TBC1D22A: variants seen among roughly 807,000 people sequenced by gnomAD.
TBC1D22A encodes putative GTPase activator.
In TBC1D22A, 38 loss-of-function variants were observed where a neutral mutation model predicts 60.2. That is an observed-to-expected ratio of 0.63 (90% CI 0.49 to 0.83). TBC1D22A has a LOEUF of 0.83. TBC1D22A is among the 40% of genes least tolerant of loss of function. The probability of loss-of-function intolerance (pLI) is 0.00; values close to 1 mark genes in which losing one functional copy is unlikely to be tolerated. For missense variants in TBC1D22A, 628 were observed against 701.0 expected (o/e 0.90, Z 1.18); for synonymous variants, 302 against 281.7 (o/e 1.07, Z -0.72).
At chr22:46,953,514 G>T in intron 8 of TBC1D22A, among the ~76,000 whole-genome samples, 1 of 151,340 alleles carries the variant, frequency 6.6e-6, no homozygotes, top group Admixed American at 6.6e-5. Flanking sequence ...TTGTAGGTCT[G>T]TATCTACTTG....
intron 12 of TBC1D22A, among the ~76,000 whole-genome samples, chr22:47,155,032 T>C (rs1044126199): frequency 6.6e-6 from 1 of 152,082 alleles, no homozygotes; most frequent in Non-Finnish European, 1.5e-5. Flanking sequence ...AGGCAGGAAG[T>C]CTTCACGGGC....
chr22:47,159,999 C>G (rs2067909729), intron 12 of TBC1D22A, among the ~76,000 whole-genome samples: 1 of 152,042 alleles, frequency 6.6e-6, no homozygotes, highest in Admixed American at 6.6e-5. Flanking sequence ...ACCCCACACA[C>G]ACACTGCACA....
intron 10 of TBC1D22A, among the ~76,000 whole-genome samples, chr22:47,005,012 C>T (rs2061536210): frequency 6.6e-6 from 1 of 151,782 alleles, no homozygotes; most frequent in Admixed American, 6.6e-5. Context: ...TATACACACA[C>T]ATCCCTATAC....
At chr22:46,939,507 C>A (rs1378919454) in intron 8 of TBC1D22A, among the ~76,000 whole-genome samples, 1 of 152,084 alleles carries the variant, frequency 6.6e-6, no homozygotes, top group Non-Finnish European at 1.5e-5. Context: ...GTTTATGGAC[C>A]AAATTTGGTA....
intron 1 of TBC1D22A, among the ~76,000 whole-genome samples, chr22:46,783,868 C>G (rs2084047796): frequency 6.6e-6 from 1 of 152,138 alleles, no homozygotes; most frequent in Non-Finnish European, 1.5e-5. Context: ...GCATTATAGA[C>G]ATTGCTGAGC....
At position 46,825,983 on chromosome 22, in the gene TBC1D22A, C is replaced by T. The variant is rs557215039; in HGVS notation, c.637+28363C>T. Among the ~76,000 whole-genome samples the T allele has an allele frequency of 2.9e-4, 44 of 150,184 alleles. No homozygotes were observed. The South Asian group carries it at 4.7e-3, about 16-fold the overall frequency. On this transcript the variant is annotated intron_variant, in intron 4 of 12. Coordinates refer to ENST00000337137, the MANE Select transcript of TBC1D22A (RefSeq NM_014346.5). ...CTGCAAGCTCCATCTCCCGGGTTCA[C>T]GCCATTCTCCTGCCTCAGCCTCCCG...
chr22:46,891,840 G>A (rs529504939), intron 6 of TBC1D22A, among the ~76,000 whole-genome samples: 23 of 152,186 alleles, frequency 1.5e-4, no homozygotes, highest in Non-Finnish European at 3.1e-4. Context: ...GTAGGGATGT[G>A]ATACCGACCC....
intron 7 of TBC1D22A, among the ~76,000 whole-genome samples, 190 bp from the exon 8 acceptor site, chr22:46,911,884 A>C (rs887834962): frequency 9.9e-5 from 15 of 151,244 alleles, no homozygotes; most frequent in Admixed American, 5.3e-4. Context: ...GCACCACTGC[A>C]CTCTAGCCTG....
At chr22:47,052,223 T>C (rs1269770840) in intron 11 of TBC1D22A, among the ~76,000 whole-genome samples, 1 of 152,242 alleles carries the variant, frequency 6.6e-6, no homozygotes, top group East Asian at 1.9e-4. Context: ...GCTTTCATTT[T>C]GAATACTTGA....
intron 8 of TBC1D22A, among the ~76,000 whole-genome samples, chr22:46,912,808 G>A (rs933513724): frequency 2.6e-5 from 4 of 152,138 alleles, no homozygotes; most frequent in African/African-American, 4.8e-5. Flanking sequence ...GCCCGCCTTC[G>A]CCTCCCAAAG....
intron 7 of TBC1D22A, among the ~76,000 whole-genome samples, chr22:46,903,930 CGTGGACGCACCTTCAAGGGAG>C (rs1331531420): frequency 6.6e-6 from 1 of 152,100 alleles, no homozygotes; most frequent in Non-Finnish European, 1.5e-5. Flanking sequence ...CCCCGCTGCC[CGTGGACGCACCTTCAAGGGAG>C]GTGGCATGCT....
intron 11 of TBC1D22A, among the ~76,000 whole-genome samples, chr22:47,045,688 G>C (rs1214237824): frequency 6.6e-6 from 1 of 152,158 alleles, no homozygotes. Flanking sequence ...GCCCTACTGT[G>C]TGCTAGGCCT....
At chr22:47,169,659 T>G (rs2147230641) in intron 12 of TBC1D22A, among the ~76,000 whole-genome samples, 1 of 152,264 alleles carries the variant, frequency 6.6e-6, no homozygotes, top group African/African-American at 2.4e-5. Context: ...CAGGGTGCAC[T>G]CCACGCTGCC....
chr22:46,986,826 C>T (rs907665685), intron 9 of TBC1D22A, among the ~76,000 whole-genome samples: 7 of 152,192 alleles, frequency 4.6e-5, no homozygotes, highest in Non-Finnish European at 1.0e-4. Context: ...TTTGTGCTCT[C>T]GGGCTCTGTG....
intron 9 of TBC1D22A, among the ~76,000 whole-genome samples, chr22:46,995,110 G>A (rs2075075143): frequency 6.6e-6 from 1 of 152,144 alleles, no homozygotes; most frequent in African/African-American, 2.4e-5. Flanking sequence ...AAATTCAGGA[G>A]GCCTCCAAGC....
chr22:46,966,290 C>T (rs1330208689), intron 8 of TBC1D22A, among the ~76,000 whole-genome samples: 2 of 152,112 alleles, frequency 1.3e-5, no homozygotes, highest in Non-Finnish European at 2.9e-5. Flanking sequence ...CTCCACCTGG[C>T]AGGTTCCAGC....
chr22:46,928,547 G>A (rs747356793), intron 8 of TBC1D22A, among the ~76,000 whole-genome samples: 7 of 152,112 alleles, frequency 4.6e-5, no homozygotes, highest in Non-Finnish European at 1.0e-4. Flanking sequence ...AAGCAAAAGG[G>A]ACAAAGGATA....
chr22:47,092,647 A>G (rs1294445360), intron 11 of TBC1D22A, among the ~76,000 whole-genome samples: 1 of 152,182 alleles, frequency 6.6e-6, no homozygotes, highest in Admixed American at 6.5e-5. Context: ...AAGTCATTGC[A>G]GGGCTGGGGA....
At chr22:46,921,386 A>G (rs2070750061) in intron 8 of TBC1D22A, among the ~76,000 whole-genome samples, 1 of 152,178 alleles carries the variant, frequency 6.6e-6, no homozygotes, top group Non-Finnish European at 1.5e-5. Flanking sequence ...AATGACCTCC[A>G]TCTCCGTCCA....
Sources: gnomAD v4.1 joint callset for allele counts (sites outside exome capture counted in the v4.1 genomes callset) on GRCh38, gnomAD v4.1.1 for gene constraint, MANE v1.5 for transcripts, NCBI Gene and HGNC (gene_info 2026-07-23, HGNC 2026-07-21) for gene names.